Variants in JAKMIP2 observed in about 807,000 individuals in gnomAD.
The protein encoded by JAKMIP2 is janus kinase and microtubule-interacting protein 2.
Under a neutral mutation model 115.0 loss-of-function variants are expected in JAKMIP2, and 25 were observed. That is an observed-to-expected ratio of 0.22 (90% CI 0.16 to 0.30). The LOEUF is 0.30. Ranked by LOEUF, JAKMIP2 falls within the 10% of genes least tolerant of loss-of-function variation. JAKMIP2 has a pLI of 1.00. For synonymous variants in JAKMIP2, 334 were observed against 343.6 expected (o/e 0.97, Z 0.31); for missense variants, 642 against 957.6 (o/e 0.67, Z 4.35).
intron 1 of JAKMIP2, among the ~76,000 whole-genome samples, chr5:147,761,695 T>G (rs1365410882): frequency 6.6e-6 from 1 of 152,160 alleles, no homozygotes; most frequent in Non-Finnish European, 1.5e-5. Context: ...TGTGTATTAT[T>G]GGCACTTAAC....
intron 1 of JAKMIP2, among the ~76,000 whole-genome samples, chr5:147,775,906 G>C (rs1385112365): frequency 6.6e-6 from 1 of 152,138 alleles, no homozygotes; most frequent in African/African-American, 2.4e-5. Flanking sequence ...TTACATTCTA[G>C]TGAAGAGTAG....
chr5:147,636,444 T>C (rs991260440), intron 11 of JAKMIP2, 160 bp from the exon 12 acceptor site: 15 of 608,518 alleles, frequency 2.5e-5, no homozygotes, highest in South Asian at 2.5e-4. Flanking sequence ...TTCAAAGAAA[T>C]TGGGGCCAAA....
At chr5:147,699,156 T>C (rs1353514552) in intron 1 of JAKMIP2, among the ~76,000 whole-genome samples, 1 of 152,192 alleles carries the variant, frequency 6.6e-6, no homozygotes, top group African/African-American at 2.4e-5. Flanking sequence ...CTAAAGCATA[T>C]CACATTTGAA....
Position 147,711,499 on chromosome 5 carries a change from T to C in JAKMIP2, c.-148-39545A>G, listed in dbSNP as rs145330620. ...AAAGGGGGCATATTGGTTAAGAGTA[T>C]AGACAGCCTAAAGAGAGAGGCACTT... On this transcript the variant is annotated intron_variant, in intron 1 of 21. Coordinates refer to ENST00000616793, the MANE Select transcript of JAKMIP2 (RefSeq NM_001270941.2). Among the ~76,000 whole-genome samples the C allele has an allele frequency of 4.0e-3, 616 of 152,280 alleles. 8 individuals are homozygous for C. The highest frequency in any genetic ancestry group is 0.014 in the African/African-American group (578 of 41,546).
At chr5:147,712,191 A>G (rs1752807764) in intron 1 of JAKMIP2, among the ~76,000 whole-genome samples, 1 of 152,132 alleles carries the variant, frequency 6.6e-6, no homozygotes, top group South Asian at 2.1e-4. Context: ...CTTCTTGTCT[A>G]CAACCCACAA....
chr5:147,693,975 C>T (rs1751986997), intron 1 of JAKMIP2, among the ~76,000 whole-genome samples: 1 of 152,126 alleles, frequency 6.6e-6, no homozygotes, highest in South Asian at 2.1e-4. Context: ...GTTGAAGTTC[C>T]AGATAGGTGA....
At chr5:147,729,651 G>A (rs1753651311) in intron 1 of JAKMIP2, among the ~76,000 whole-genome samples, 1 of 151,894 alleles carries the variant, frequency 6.6e-6, no homozygotes, top group Non-Finnish European at 1.5e-5. Flanking sequence ...GCGGGCGCCT[G>A]TAGTCCCAGC....
intron 21 of JAKMIP2, chr5:147,594,485 C>T (rs1156616907): frequency 4.5e-6 from 2 of 446,936 alleles, no homozygotes; most frequent in Admixed American, 2.4e-5. Context: ...CAGGTATGTG[C>T]CCCCATACCC....
chr5:147,671,739 T>A lies in JAKMIP2; in HGVS notation c.68A>T (p.Asn23Ile). The change falls in exon 2 of 22, where the codon AAT (asparagine) becomes ATT (isoleucine). Residue 23 changes from asparagine (N) to isoleucine (I), a missense_variant. By Grantham distance (149) the Asn-to-Ile change is moderately radical (BLOSUM62 -3). Around this residue, in one of 6 missense-constraint regions of JAKMIP2, gnomAD observed 439 missense variants for 570.9 expected, o/e 0.77. Transcript: ENST00000616793. ...EALIVALQAA[N>I]EDLRTKLTDI... ...TGTGAGCTTGGTCCTGAGGTCTTCA[T>A]TGGCAGCTTGAAGGGCAACAATGAG... is the stretch of plus-strand genomic sequence containing the variant. The A allele has an allele frequency of 6.3e-7, 1 of 1,592,352 alleles. No homozygotes were observed. Among genetic ancestry groups the A allele is most frequent in the Non-Finnish European group, 8.6e-7 (1 of 1,168,690 alleles).
intron 1 of JAKMIP2, among the ~76,000 whole-genome samples, chr5:147,700,313 A>G (rs923693159): frequency 3.9e-5 from 6 of 152,284 alleles, no homozygotes; most frequent in Non-Finnish European, 2.9e-5. Context: ...ATGGAGAAAA[A>G]TAATTATAAT....
intron 1 of JAKMIP2, among the ~76,000 whole-genome samples, chr5:147,678,720 A>G (rs1365197487): frequency 1.3e-5 from 2 of 152,146 alleles, no homozygotes; most frequent in African/African-American, 2.4e-5. Flanking sequence ...GGGGATAGAT[A>G]TCCCATTCTC....
intron 1 of JAKMIP2, among the ~76,000 whole-genome samples, chr5:147,742,156 T>TATATATATATATATATA (rs1554084271): frequency 3.6e-4 from 30 of 83,954 alleles, no homozygotes; most frequent in East Asian, 2.0e-3. Context: ...TATATATATA[T>TATATATATATATATATA]TTTTTTTACT....
chr5:147,637,367 T>C (rs1561506551), intron 10 of JAKMIP2, among the ~76,000 whole-genome samples: 1 of 151,728 alleles, frequency 6.6e-6, no homozygotes, highest in Non-Finnish European at 1.5e-5. Flanking sequence ...AACTCTCCAC[T>C]CTTCTCTTTA....
intron 1 of JAKMIP2, among the ~76,000 whole-genome samples, chr5:147,738,376 G>A (rs574739357): frequency 2.0e-5 from 3 of 152,214 alleles, no homozygotes; most frequent in Non-Finnish European, 2.9e-5. Context: ...TTTGCTTGTG[G>A]CGTGGGGGAG....
intron 1 of JAKMIP2, among the ~76,000 whole-genome samples, chr5:147,678,181 T>G (rs1040600377): frequency 6.6e-6 from 1 of 152,162 alleles, no homozygotes; most frequent in Non-Finnish European, 1.5e-5. Flanking sequence ...TTTTTGTATT[T>G]TTAGTAAAGA....
chr5:147,725,589 T>G (rs1211425985), intron 1 of JAKMIP2, among the ~76,000 whole-genome samples: 1 of 152,068 alleles, frequency 6.6e-6, no homozygotes, highest in African/African-American at 2.4e-5. Flanking sequence ...GGGTAAGTGG[T>G]GGGGTAAACC....
intron 16 of JAKMIP2, 130 bp downstream of exon 16, chr5:147,628,621 T>G: frequency 3.3e-6 from 2 of 599,640 alleles, no homozygotes; most frequent in South Asian, 6.3e-5. Flanking sequence ...GTACTACCCT[T>G]AAAAATAAAA....
intron 21 of JAKMIP2, among the ~76,000 whole-genome samples, 180 bp from the exon 22 acceptor site, chr5:147,591,866 G>A (rs1289489977): frequency 1.3e-5 from 2 of 152,098 alleles, no homozygotes; most frequent in African/African-American, 4.8e-5. Flanking sequence ...GAAAATAGAA[G>A]TCTCTATGTC....
chr5:147,742,164 A>G (rs953436696), intron 1 of JAKMIP2, among the ~76,000 whole-genome samples: 6 of 67,314 alleles, frequency 8.9e-5, no homozygotes, highest in African/African-American at 5.2e-4. Context: ...TATTTTTTTT[A>G]CTATTGTATT....
Sources: gnomAD v4.1 joint callset for allele counts (sites outside exome capture counted in the v4.1 genomes callset) on GRCh38, gnomAD v4.1.1 for gene constraint, gnomAD v4.1.1 regional missense constraint, MANE v1.5 for transcripts, NCBI Gene and HGNC (gene_info 2026-07-23, HGNC 2026-07-21) for gene names.